CNTN5: variants seen among roughly 807,000 people sequenced by gnomAD.
CNTN5 encodes contactin-5.
Under a neutral mutation model 129.1 loss-of-function variants are expected in CNTN5, and 77 were observed. The observed-to-expected ratio is 0.60, with a 90% CI of 0.50 to 0.72. The LOEUF is 0.72. Among genes scored for constraint, CNTN5 ranks in the 30% least tolerant of loss-of-function variants. The pLI, the probability that CNTN5 is intolerant of heterozygous loss-of-function variation, is 0.00. For synonymous variants in CNTN5, 509 were observed against 465.6 expected (o/e 1.09, Z -1.20); for missense variants, 1,478 against 1,328.8 (o/e 1.11, Z -1.75).
chr11:99,060,897 G>A (rs1421985932), intron 1 of CNTN5, among the ~76,000 whole-genome samples: 1 of 152,026 alleles, frequency 6.6e-6, no homozygotes, highest in Non-Finnish European at 1.5e-5. Context: ...ATGAGAGAGT[G>A]CAAGTAAGGC....
At chr11:99,108,762 A>G (rs1591203824) in intron 1 of CNTN5, among the ~76,000 whole-genome samples, 2 of 152,208 alleles carry the variant, frequency 1.3e-5, no homozygotes, top group South Asian at 2.1e-4. Flanking sequence ...AAAGGAAAAA[A>G]TCAGAAATAT....
At chr11:99,410,122 T>A (rs774499325) in intron 2 of CNTN5, among the ~76,000 whole-genome samples, 2 of 152,194 alleles carry the variant, frequency 1.3e-5, no homozygotes, top group Non-Finnish European at 2.9e-5. Flanking sequence ...AAAAAAAGAA[T>A]GATTAATGAC....
chr11:100,230,285 T>C (rs1949462167), intron 16 of CNTN5, among the ~76,000 whole-genome samples: 1 of 152,194 alleles, frequency 6.6e-6, no homozygotes, highest in Non-Finnish European at 1.5e-5. Flanking sequence ...ATCACTATTA[T>C]TGCTATTATT....
At chr11:99,636,842 G>A (rs1271649359) in intron 3 of CNTN5, among the ~76,000 whole-genome samples, 11 of 150,468 alleles carry the variant, frequency 7.3e-5, no homozygotes, top group Middle Eastern at 3.4e-3. Context: ...GGTGAAACCC[G>A]TCTCTACTAA....
At chr11:99,080,635 C>A (rs1041843258) in intron 1 of CNTN5, among the ~76,000 whole-genome samples, 1 of 152,136 alleles carries the variant, frequency 6.6e-6, no homozygotes, top group African/African-American at 2.4e-5. Flanking sequence ...AAAGTCACAA[C>A]CATTTTTGGA....
chr11:99,474,916 A>G (rs934482354), intron 2 of CNTN5, among the ~76,000 whole-genome samples: 1 of 152,182 alleles, frequency 6.6e-6, no homozygotes, highest in Non-Finnish European at 1.5e-5. Context: ...TTAGATGTCT[A>G]CTATCATTTG....
At chr11:99,326,618 C>G (rs1865795972) in intron 2 of CNTN5, among the ~76,000 whole-genome samples, 1 of 152,190 alleles carries the variant, frequency 6.6e-6, no homozygotes, top group African/African-American at 2.4e-5. Flanking sequence ...GAAAATGTTA[C>G]TTTCCATGTG....
intron 6 of CNTN5, among the ~76,000 whole-genome samples, chr11:99,864,378 C>G (rs1948298856): frequency 6.6e-6 from 1 of 152,152 alleles, no homozygotes; most frequent in South Asian, 2.1e-4. Context: ...GCCACTCACT[C>G]TCTGCTATCG....
At chr11:99,317,265 C>T (rs1371544104) in intron 1 of CNTN5, among the ~76,000 whole-genome samples, 19 of 152,272 alleles carry the variant, frequency 1.2e-4, no homozygotes, top group African/African-American at 4.3e-4. Context: ...CAATTCCGTG[C>T]TCTGTTACTT....
At chr11:100,198,760 G>A (rs1764573093) in intron 15 of CNTN5, among the ~76,000 whole-genome samples, 1 of 151,810 alleles carries the variant, frequency 6.6e-6, no homozygotes, top group Admixed American at 6.6e-5. Flanking sequence ...GAGTAATTAT[G>A]ATCACCTGTA....
intron 2 of CNTN5, among the ~76,000 whole-genome samples, chr11:99,516,963 T>A (rs528654578): frequency 6.6e-6 from 1 of 152,272 alleles, no homozygotes. Flanking sequence ...GTGATTGACA[T>A]GAAAGAGTAT....
chr11:99,767,325 A>C (rs1388867210), intron 3 of CNTN5, among the ~76,000 whole-genome samples: 2 of 152,100 alleles, frequency 1.3e-5, no homozygotes, highest in East Asian at 3.8e-4. Context: ...ACTATGTAGA[A>C]CTGTGATAGA....
At chr11:100,040,636 C>T (rs1432656048) in intron 9 of CNTN5, among the ~76,000 whole-genome samples, 2 of 152,194 alleles carry the variant, frequency 1.3e-5, no homozygotes, top group African/African-American at 2.4e-5. Context: ...AGCTTCCTGG[C>T]CGCTTTGTTT....
intron 2 of CNTN5, among the ~76,000 whole-genome samples, chr11:99,414,593 T>C (rs1420959552): frequency 6.6e-6 from 1 of 152,104 alleles, no homozygotes; most frequent in Non-Finnish European, 1.5e-5. Flanking sequence ...AATAGAGCTA[T>C]ATAATCAGGG....
At chr11:99,086,261 C>T (rs566338074) in intron 1 of CNTN5, among the ~76,000 whole-genome samples, 1 of 152,344 alleles carries the variant, frequency 6.6e-6, no homozygotes, top group South Asian at 2.1e-4. Context: ...ATCTCACACA[C>T]ACCCACACTC....
chr11:99,245,099 A>T (rs965368314), intron 1 of CNTN5, among the ~76,000 whole-genome samples: 1 of 152,126 alleles, frequency 6.6e-6, no homozygotes, highest in African/African-American at 2.4e-5. Context: ...AAAATTATTC[A>T]TATCACTGTC....
At chr11:99,242,937 G>GACTTT (rs767032139) in intron 1 of CNTN5, among the ~76,000 whole-genome samples, 15 of 152,024 alleles carry the variant, frequency 9.9e-5, no homozygotes, top group Non-Finnish European at 1.9e-4. Context: ...ACAGTGCTGT[G>GACTTT]ATGAACCTGA....
chr11:100,097,437 G>T (rs1328200947), intron 13 of CNTN5, among the ~76,000 whole-genome samples: 2 of 152,064 alleles, frequency 1.3e-5, no homozygotes, highest in East Asian at 3.9e-4. Context: ...AAAAGAATAA[G>T]TTTTCTGGAT....
chr11:99,950,331 A>T (rs1950643039), intron 7 of CNTN5, among the ~76,000 whole-genome samples: 1 of 152,086 alleles, frequency 6.6e-6, no homozygotes, highest in African/African-American at 2.4e-5. Context: ...ACAAAAAAAA[A>T]TTAGCCAGGT....
Sources: gnomAD v4.1 joint callset for allele counts (sites outside exome capture counted in the v4.1 genomes callset) on GRCh38, gnomAD v4.1.1 for gene constraint, MANE v1.5 for transcripts, NCBI Gene and HGNC (gene_info 2026-07-23, HGNC 2026-07-21) for gene names.